LAX1: variants seen among roughly 807,000 people sequenced by gnomAD.
The protein encoded by LAX1 is lymphocyte transmembrane adapter 1.
A neutral mutation model predicts 20.7 loss-of-function variants in LAX1; 17 were observed. That is an observed-to-expected ratio of 0.82 (90% CI 0.56 to 1.23). The LOEUF is 1.23. LAX1 is among the 50% of genes most tolerant of loss of function. The pLI, the probability that LAX1 is intolerant of heterozygous loss-of-function variation, is 0.00. For missense variants in LAX1, 470 were observed against 487.0 expected (o/e 0.97, Z 0.33); for synonymous variants, 165 against 181.0 (o/e 0.91, Z 0.71).
chr1:203,774,118 C>T lies in LAX1; in HGVS notation c.634C>T (p.Pro212Ser), dbSNP rs1043988735. Residue 212 changes from proline (P) to serine (S), a missense_variant, in exon 5 of 5, where the codon CCT becomes TCT. Pro to Ser is a moderately conservative substitution (Grantham distance 74). Coordinates refer to ENST00000442561, the MANE Select transcript of LAX1 (RefSeq NM_017773.4). ...IAETLASTKS[P>S]SRNLFVLPST... ...TGAGACTCTAGCTTCTACCAAAAGC[C>T]CTTCCAGAAATCTCTTTGTTCTTCC... is the stretch of plus-strand genomic sequence containing the variant. The T allele has an allele frequency of 3.7e-6, 6 of 1,614,142 alleles. No homozygotes were observed. The highest frequency in any genetic ancestry group is 3.3e-4 in the Middle Eastern group (2 of 6,062).
intron 1 of LAX1, among the ~76,000 whole-genome samples, chr1:203,767,200 A>G (rs1667319083): frequency 6.6e-6 from 1 of 151,212 alleles, no homozygotes; most frequent in African/African-American, 2.4e-5. Flanking sequence ...CATGTTATAC[A>G]ACAGATCCCT....
At position 203,774,608 on chromosome 1, in the gene LAX1, A is replaced by G. The variant is rs1156646517; in HGVS notation, c.1124A>G (p.Asn375Ser). 1 of 1,614,178 alleles carries G rather than the reference A, an allele frequency of 6.2e-7. No homozygotes were observed. Among genetic ancestry groups the G allele is most frequent in the South Asian group, 1.1e-5 (1 of 91,078 alleles). ...AATGAGGACTCCAGTGACTATGAAA[A>G]TGTGCTAACTGCCAAGTTAGGAGGC... Reference protein sequence around the residue: ...MSNEDSSDYENVLTAKLGGRD... With the variant: ...MSNEDSSDYESVLTAKLGGRD... Residue 375 changes from asparagine (N) to serine (S), a missense_variant, in exon 5 of 5, where the codon AAT becomes AGT. Coordinates refer to ENST00000442561, the MANE Select transcript of LAX1 (RefSeq NM_017773.4).
At position 203,770,866 on chromosome 1, in the gene LAX1, C is replaced by T. The variant is rs778286533; in HGVS notation, c.128C>T (p.Ala43Val). ...DQITNIFSGF[A>V]GLLAILLVVA... The stretch of plus-strand genomic sequence containing the variant: ...ATCACCAACATCTTTTCCGGGTTTG[C>T]GGGACTCCTCGCCATCCTCCTGGTC... The change falls in exon 2 of 5, where the codon GCG (alanine) becomes GTG (valine). Residue 43 changes from alanine to valine, a missense_variant. Physicochemically the swap from Ala to Val is moderately conservative, Grantham distance 64. Coordinates refer to ENST00000442561, the MANE Select transcript of LAX1 (RefSeq NM_017773.4). 66 of 1,613,986 alleles carry T rather than the reference C, an allele frequency of 4.1e-5. No homozygotes were observed. Among genetic ancestry groups the T allele is most frequent in the Middle Eastern group, 3.3e-4 (2 of 6,082 alleles).
intron 1 of LAX1, among the ~76,000 whole-genome samples, chr1:203,767,303 CT>C (rs755164305): frequency 0.031 from 2,770 of 90,422 alleles, 105 homozygotes; most frequent in African/African-American, 0.12. Context: ...CTCTCCACTT[CT>C]TTTTTTTTTT....
At chr1:203,773,433 G>A (rs1302177094) in intron 4 of LAX1, among the ~76,000 whole-genome samples, 1 of 152,028 alleles carries the variant, frequency 6.6e-6, no homozygotes, top group Non-Finnish European at 1.5e-5. Flanking sequence ...CAGCTTGGGC[G>A]ACGAGAGCGA....
In LAX1 at chr1:203,774,576, G is replaced by A. The variant is rs745387928; in HGVS notation, c.1092G>A (p.Glu364=). ...ACAGTCAGATGAAACATAGAGAAGA[G>A]ATGTCAAATGAGGACTCCAGTGACT... is the stretch of plus-strand genomic sequence containing the variant. ...SEDSQMKHRE[E]MSNEDSSDYE... The change falls in exon 5 of 5, where the codon GAG becomes GAA. Residue 364 remains glutamate, a synonymous_variant. Transcript: ENST00000442561. The A allele has an allele frequency of 1.9e-6, 3 of 1,614,220 alleles. No homozygotes were observed. Among genetic ancestry groups the A allele is most frequent in the Non-Finnish European group, 2.5e-6 (3 of 1,180,034 alleles).
chr1:203,769,391 C>CAAAA (rs1211514744), intron 1 of LAX1, among the ~76,000 whole-genome samples: 1 of 65,216 alleles, frequency 1.5e-5, no homozygotes, highest in Admixed American at 1.8e-4. Context: ...GACTCTGTCT[C>CAAAA]AAAAAAAAAG....
chr1:203,771,933 C>A, intron 3 of LAX1, 135 bp from the exon 4 acceptor site: 1 of 717,092 alleles, frequency 1.4e-6, no homozygotes, highest in South Asian at 1.6e-5. Context: ...GACCTCAGAA[C>A]ATGAGAGAAC....
At position 203,774,553 on chromosome 1, in the gene LAX1, A is replaced by G. The variant is rs1328847622; in HGVS notation, c.1069A>G (p.Ser357Gly). The G allele has an allele frequency of 1.2e-6, 2 of 1,614,218 alleles. No individual in the cohort carries two copies. Among genetic ancestry groups the G allele is most frequent in the Non-Finnish European group, 1.7e-6 (2 of 1,180,028 alleles). Residue 357 changes from serine (S) to glycine (G), a missense_variant, in exon 5 of 5, where the codon AGT becomes GGT. Physicochemically the swap from Ser to Gly is moderately conservative, Grantham distance 56. Transcript: ENST00000442561. ...TCAGCCATTCACACAGAGTGAGGAC[A>G]GTCAGATGAAACATAGAGAAGAGAT... ...DFQPFTQSED[S>G]QMKHREEMSN...
At position 203,765,197 on chromosome 1, in the gene LAX1, G is replaced by A. The variant is rs1205723724; in HGVS notation, c.-369G>A. On this transcript the variant is annotated 5_prime_UTR_variant, in exon 1 of 5. Coordinates refer to ENST00000442561, the MANE Select transcript of LAX1 (RefSeq NM_017773.4). ...TTGCTCTTTTCACTCTGCTTTGGGT[G>A]TTGAAGGAAGACGAGCTTCTCACGG... 1.6e-5 allele frequency: 11 copies of A among 690,926 alleles called. No homozygotes were observed. The East Asian group carries it at 3.0e-4, about 19-fold the overall frequency. 42.8% of individuals were successfully genotyped at this position (690,926 alleles called of 1,614,324 possible). A position where few individuals can be genotyped will look rare whatever the true frequency, so the allele number is the denominator to read the frequency against.
At chr1:203,773,395 A>T (rs992371316) in intron 4 of LAX1, among the ~76,000 whole-genome samples, 7 of 152,172 alleles carry the variant, frequency 4.6e-5, no homozygotes, top group Admixed American at 6.6e-5. Context: ...CAGAGATTGC[A>T]GTGAGCTGAG....
rs1309119738 is a variant in LAX1, at chr1:203,774,642, T to G, written c.1158T>G (p.Ser386=). The change falls in exon 5 of 5, where the codon TCT becomes TCG. Residue 386 remains serine (S), a synonymous_variant. Transcript: ENST00000442561. ...CTGCCAAGTTAGGAGGCAGGGACTC[T>G]GAGCAGGGGCCTGGCACTCAGCTCC... ...VLTAKLGGRD[S]EQGPGTQLLP... is the part of the protein sequence containing the mutation. 6.2e-7 allele frequency: 1 copy of G among 1,614,178 alleles called. No homozygotes were observed. Among genetic ancestry groups the G allele is most frequent in the Non-Finnish European group, 8.5e-7 (1 of 1,180,012 alleles).
Position 203,774,802 on chromosome 1 carries a change from A to T in LAX1, c.*121A>T. The T allele has an allele frequency of 1.3e-6, 1 of 796,668 alleles. No individual in the cohort carries two copies. Among genetic ancestry groups the T allele is most frequent in the Non-Finnish European group, 2.0e-6 (1 of 508,228 alleles). The allele number at this position is 796,668 out of a possible 1,614,324, so 49.3% of individuals were successfully genotyped here. ...CTTCAGTGGATTCACTGGTTAGATTAAAAAGAGGCTGAGATGAGCAGTGAA... is the reference window on the plus strand; with the variant it reads ...CTTCAGTGGATTCACTGGTTAGATTTAAAAGAGGCTGAGATGAGCAGTGAA... On this transcript the variant is annotated 3_prime_UTR_variant, in exon 5 of 5. Coordinates refer to ENST00000442561, the MANE Select transcript of LAX1 (RefSeq NM_017773.4).
rs1667388278 is a variant in LAX1 at position 203,770,454 on chromosome 1, A to AG, written c.90-374_90-373insG. ...AAGAAAGAGAGAGAGAGAGAGAGAG[A>AG]AAGGAAGGAAGGAAGGAAGGAAGGA... On this transcript the variant is annotated intron_variant, in intron 1 of 4. Transcript: ENST00000442561. 7.3e-4 allele frequency among the ~76,000 whole-genome samples: 16 copies of AG among 21,946 alleles called. 1 individual carries two copies. Among genetic ancestry groups the AG allele is most frequent in the Admixed American group, 1.7e-3 (2 of 1,184 alleles). 14.4% of individuals were successfully genotyped at this position (21,946 alleles called of 152,430 possible). A position where few individuals can be genotyped will look rare whatever the true frequency, so the allele number is the denominator to read the frequency against.
rs767231934 is a variant in LAX1 at position 203,775,464 on chromosome 1, T to C, written c.*783T>C. On this transcript the variant is annotated 3_prime_UTR_variant, in exon 5 of 5. Coordinates refer to ENST00000442561, the MANE Select transcript of LAX1 (RefSeq NM_017773.4). ...TAAGGATGAAGAAGAACAGGAACTC[T>C]CACTGGTGGCTGATGGGATTGCAAA... 18 of 152,096 alleles carry C rather than the reference T, an allele frequency of 1.2e-4. No individual in the cohort carries two copies. The highest frequency in any genetic ancestry group is 2.6e-4 in the Non-Finnish European group (18 of 68,008). 9.4% of individuals were successfully genotyped at this position (152,096 alleles called of 1,614,324 possible). A position where few individuals can be genotyped will look rare whatever the true frequency, so the allele number is the denominator to read the frequency against.
At chr1:203,772,802 A>G (rs559735924) in intron 4 of LAX1, among the ~76,000 whole-genome samples, 17 of 150,540 alleles carry the variant, frequency 1.1e-4, no homozygotes, top group African/African-American at 4.2e-4. Flanking sequence ...CATCCCCCCA[A>G]GTAGCTGGGA....
In LAX1 at chr1:203,770,486, G is replaced by A. The variant is rs1163424947; in HGVS notation, c.90-342G>A. ...GGAAGGAAGGAAGGAAGGAAGGAAG[G>A]AAGGAAGGAAGGAAGGAAGGAAGGA... On this transcript the variant is annotated intron_variant, in intron 1 of 4. Transcript: ENST00000442561. Among the ~76,000 whole-genome samples the A allele has an allele frequency of 0.01, 590 of 58,704 alleles. 111 individuals are homozygous for A. The East Asian group carries it at 0.29, about 29-fold the overall frequency. 38.5% of individuals were successfully genotyped at this position (58,704 alleles called of 152,430 possible).
At chr1:203,770,433 A>G (rs56284894) in intron 1 of LAX1, among the ~76,000 whole-genome samples, 19,122 of 42,138 alleles carry the variant, frequency 0.45, 5,016 homozygotes, top group Non-Finnish European at 0.62. Context: ...GAAAGAAAGA[A>G]AGAGAGAGAG....
chr1:203,770,512 A>AG (rs1396827812), intron 1 of LAX1, among the ~76,000 whole-genome samples: 10 of 109,190 alleles, frequency 9.2e-5, no homozygotes, highest in South Asian at 3.5e-4. Flanking sequence ...GAAGGAAGGA[A>AG]GAAAGAAAGA....
Sources: allele counts gnomAD v4.1 joint callset (sites outside exome capture counted in the v4.1 genomes callset), GRCh38; gene constraint gnomAD v4.1.1; transcripts MANE v1.5; gene names NCBI Gene and HGNC (gene_info 2026-07-23, HGNC 2026-07-21).